PCDHA1: variants seen among roughly 807,000 people sequenced by gnomAD.
The protein encoded by PCDHA1 is protocadherin alpha-1.
PCDHA1 carries 42 observed loss-of-function variants against 61.3 expected under a neutral mutation model. The ratio of observed to expected loss-of-function variants is 0.69; its 90% CI spans 0.54 to 0.89. The LOEUF (loss-of-function observed/expected upper bound fraction) is 0.89, where lower values mean the gene tolerates loss of function less well. PCDHA1 is among the 40% of genes least tolerant of loss of function. PCDHA1 has a pLI of 0.00. For synonymous variants in PCDHA1, 610 were observed against 553.8 expected (o/e 1.10, Z -1.43); for missense variants, 1,256 against 1,235.3 (o/e 1.02, Z -0.25).
In PCDHA1 at chr5:140,795,025, C is replaced by G. The variant is rs573551999; in HGVS notation, c.2394+6341C>G. 1.9e-6 allele frequency: 3 copies of G among 1,613,826 alleles called. No homozygotes were observed. In the East Asian group the frequency reaches 6.7e-5, roughly 36 times the overall value. On this transcript the variant is annotated intron_variant, in intron 1 of 3. Coordinates refer to ENST00000504120, the MANE Select transcript of PCDHA1 (RefSeq NM_018900.4). ...GACACGGCTGCTCTCGCTTCTGCTC[C>G]TCGCAGCCTGGGAGGTGGGGAGCGG...
intron 1 of PCDHA1, chr5:140,848,328 G>C (rs1554142059): frequency 1.2e-6 from 1 of 817,064 alleles, no homozygotes; most frequent in African/African-American, 1.7e-5. Context: ...TGTTCTCTCT[G>C]AATCCAGACA....
chr5:140,876,118 G>A (rs2153337008), intron 1 of PCDHA1: 1 of 1,613,926 alleles, frequency 6.2e-7, no homozygotes, highest in South Asian at 1.1e-5. Flanking sequence ...GATGGTAATC[G>A]ATGGCGGTAA....
In PCDHA1 at chr5:140,966,999, G is replaced by A. The variant is rs782081862; in HGVS notation, c.2395-11950G>A. 115 of 1,604,458 alleles carry A rather than the reference G, an allele frequency of 7.2e-5. No homozygotes were observed. The highest frequency in any genetic ancestry group is 8.8e-5 in the Non-Finnish European group (104 of 1,177,324). ...CGGCGCTTGGGGCCGGGTTGCTTGC[G>A]CATCAACCATCTGGGTGCGCCCAGT... On this transcript the variant is annotated intron_variant, in intron 1 of 3. Transcript: ENST00000504120.
At position 140,890,629 on chromosome 5, in the gene PCDHA1, A is replaced by T. The variant is rs6883083; in HGVS notation, c.2395-88320A>T. On this transcript the variant is annotated intron_variant, in intron 1 of 3. Transcript: ENST00000504120. ...TAGTGCTTACCCTAGAAAATTAAGCATGTATCCTTGATATATCAAAATCAA... is the reference window on the plus strand; with the variant it reads ...TAGTGCTTACCCTAGAAAATTAAGCTTGTATCCTTGATATATCAAAATCAA... Among the ~76,000 whole-genome samples, 1,394 of 152,274 alleles carry T rather than the reference A, an allele frequency of 9.2e-3. 17 individuals are homozygous for T. Among genetic ancestry groups the T allele is most frequent in the African/African-American group, 0.032 (1,348 of 41,546 alleles).
intron 1 of PCDHA1, chr5:140,967,149 C>A (rs781864120): frequency 1.3e-5 from 21 of 1,610,890 alleles, no homozygotes; most frequent in Non-Finnish European, 1.7e-5. Flanking sequence ...GCGCACAACC[C>A]CGTGGCGGTG....
Position 140,856,334 on chromosome 5 carries a change from G to C in PCDHA1, c.2394+67650G>C, listed in dbSNP as rs1262477114. 11 of 1,598,498 alleles carry C rather than the reference G, an allele frequency of 6.9e-6. 1 individual carries two copies. The Admixed American group carries it at 1.3e-4, about 20-fold the overall frequency. On this transcript the variant is annotated intron_variant, in intron 1 of 3. Coordinates refer to ENST00000504120, the MANE Select transcript of PCDHA1 (RefSeq NM_018900.4). ...TCGGATTGACCGCGAGGAGCTGTGC[G>C]GGCGGAGCGTGGAGTGCAGCATCCA...
chr5:140,967,670 G>A (rs1554229754), intron 1 of PCDHA1: 1 of 1,614,092 alleles, frequency 6.2e-7, no homozygotes, highest in Non-Finnish European at 8.5e-7. Flanking sequence ...CTACACGTCG[G>A]ACCGGGAGAG....
At chr5:140,960,265 T>A (rs1380537220) in intron 1 of PCDHA1, among the ~76,000 whole-genome samples, 2 of 152,174 alleles carry the variant, frequency 1.3e-5, no homozygotes, top group African/African-American at 4.8e-5. Context: ...TTCTGATAAA[T>A]TCCGTCACCT....
chr5:140,901,588 T>A (rs1245761513), intron 1 of PCDHA1, among the ~76,000 whole-genome samples: 1 of 152,176 alleles, frequency 6.6e-6, no homozygotes, highest in Non-Finnish European at 1.5e-5. Flanking sequence ...TGCCATGATG[T>A]TTTGGTTACT....
intron 3 of PCDHA1, among the ~76,000 whole-genome samples, chr5:140,985,614 C>G (rs2097160648): frequency 6.6e-6 from 1 of 152,100 alleles, no homozygotes; most frequent in East Asian, 1.9e-4. Flanking sequence ...TTCCGTGAAC[C>G]AGCTGTGTAT....
At chr5:140,864,409 G>C (rs1354025134) in intron 1 of PCDHA1, 3 of 152,230 alleles carry the variant, frequency 2.0e-5, no homozygotes, top group Non-Finnish European at 4.4e-5. Context: ...GAGCAGGGTT[G>C]AGGCAGCTTC....
At chr5:140,869,484 C>T (rs782167038) in intron 1 of PCDHA1, 2 of 1,613,948 alleles carry the variant, frequency 1.2e-6, no homozygotes, top group South Asian at 2.2e-5. Flanking sequence ...AGGACATTAA[C>T]GACAACCCGC....
At chr5:140,863,021 T>A (rs1228071790) in intron 1 of PCDHA1, 1 of 554,192 alleles carries the variant, frequency 1.8e-6, no homozygotes, top group Non-Finnish European at 3.5e-6. Flanking sequence ...CGCCTGGTTG[T>A]CGCAACAGCT....
rs2150500833 is a variant in PCDHA1 at position 140,850,862 on chromosome 5, C to T, written c.2394+62178C>T. ...GATCTACAGAGCGAACGGGAGAACCCTCTGCTTCCTCAGATTCAACTGGGA... is the reference window on the plus strand; with the variant it reads ...GATCTACAGAGCGAACGGGAGAACCTTCTGCTTCCTCAGATTCAACTGGGA... On this transcript the variant is annotated intron_variant, in intron 1 of 3. Coordinates refer to ENST00000504120, the MANE Select transcript of PCDHA1 (RefSeq NM_018900.4). The T allele has an allele frequency of 1.9e-6, 3 of 1,592,842 alleles. 1 individual carries two copies. In the African/African-American group the frequency reaches 4.0e-5, roughly 21 times the overall value.
intron 1 of PCDHA1, among the ~76,000 whole-genome samples, chr5:140,971,432 A>G (rs1446143040): frequency 6.6e-6 from 1 of 152,226 alleles, no homozygotes; most frequent in African/African-American, 2.4e-5. Context: ...AAGAACCCCA[A>G]GATCTACAGC....
intron 1 of PCDHA1, among the ~76,000 whole-genome samples, chr5:140,892,079 G>A (rs985463495): frequency 2.0e-5 from 3 of 152,066 alleles, no homozygotes; most frequent in Admixed American, 6.6e-5. Context: ...ATAATTTCTA[G>A]TTTCCTCTCG....
intron 1 of PCDHA1, among the ~76,000 whole-genome samples, chr5:140,923,489 A>G (rs549066009): frequency 2.2e-4 from 34 of 152,300 alleles, no homozygotes; most frequent in African/African-American, 7.5e-4. Context: ...TCTTCACACC[A>G]CTGCACTCCA....
Position 140,853,252 on chromosome 5 carries a change from C to T in PCDHA1, c.2394+64568C>T. 3 of 974,906 alleles carry T rather than the reference C, an allele frequency of 3.1e-6. 1 individual carries two copies. 60.4% of individuals were successfully genotyped at this position (974,906 alleles called of 1,614,324 possible). On this transcript the variant is annotated intron_variant, in intron 1 of 3. Transcript: ENST00000504120. ...TTAGTCCTTCATATTAATCTCTATT[C>T]TCTCTCAGAGTACAAGCTCTCATCA...
chr5:140,830,263 G>C (rs2150183711), intron 1 of PCDHA1: 3 of 1,613,640 alleles, frequency 1.9e-6, no homozygotes, highest in Non-Finnish European at 2.5e-6. Context: ...TGCGGTGCTC[G>C]GCGCCACCCA....
Sources: allele counts gnomAD v4.1 joint callset (sites outside exome capture counted in the v4.1 genomes callset), GRCh38; gene constraint gnomAD v4.1.1; transcripts MANE v1.5; gene names NCBI Gene and HGNC (gene_info 2026-07-23, HGNC 2026-07-21).